Variants in SPTLC2 observed in about 807,000 individuals in gnomAD.
The protein encoded by SPTLC2 is serine palmitoyltransferase long chain base subunit 2.
Under a neutral mutation model 62.0 loss-of-function variants are expected in SPTLC2, and 21 were observed. The observed-to-expected ratio is 0.34, with a 90% CI of 0.24 to 0.49. The LOEUF (loss-of-function observed/expected upper bound fraction) is 0.49. SPTLC2 is among the 20% of genes least tolerant of loss of function. The pLI is 0.99. For synonymous variants in SPTLC2, 261 were observed against 261.8 expected (o/e 1.00, Z 0.03); for missense variants, 511 against 713.0 (o/e 0.72, Z 3.23).
chr14:77,557,755 A>C (rs905423574), intron 6 of SPTLC2, among the ~76,000 whole-genome samples: 2 of 152,194 alleles, frequency 1.3e-5, no homozygotes, highest in African/African-American at 4.8e-5. Context: ...CAATCAGTTG[A>C]AATTGTTCCA....
At chr14:77,581,626 G>C (rs1215437017) in intron 2 of SPTLC2, among the ~76,000 whole-genome samples, 1 of 151,748 alleles carries the variant, frequency 6.6e-6, no homozygotes, top group African/African-American at 2.4e-5. Context: ...TGGCCAGGTT[G>C]CTCTCAAACT....
Position 77,597,182 on chromosome 14 carries a change from T to A in SPTLC2, c.327+4A>T, listed in dbSNP as rs1433918043. 1 of 1,613,848 alleles carries A rather than the reference T, an allele frequency of 6.2e-7. No individual in the cohort carries two copies. Among genetic ancestry groups the A allele is most frequent in the South Asian group, 1.1e-5 (1 of 91,040 alleles). ...TACAGAATCAAAAACTCTCTAACAG[T>A]TACCTTTTGTTCTTCTCTTTCTGTT... On this transcript the variant is annotated splice_donor_region_variant and intron_variant, in intron 2 of 11. Coordinates refer to ENST00000216484, the MANE Select transcript of SPTLC2 (RefSeq NM_004863.4).
intron 11 of SPTLC2, among the ~76,000 whole-genome samples, chr14:77,514,549 T>C (rs1327924626): frequency 1.3e-5 from 2 of 152,248 alleles, no homozygotes; most frequent in Admixed American, 1.3e-4. Flanking sequence ...GTATTCATTA[T>C]AGAGCTGAGT....
At chr14:77,535,100 T>C (rs1017058120) in intron 9 of SPTLC2, among the ~76,000 whole-genome samples, 1 of 152,148 alleles carries the variant, frequency 6.6e-6, no homozygotes, top group Non-Finnish European at 1.5e-5. Context: ...GCTAATCTTG[T>C]ATTTTCAGTA....
At chr14:77,525,081 G>A (rs34174438) in intron 9 of SPTLC2, among the ~76,000 whole-genome samples, 13,651 of 152,116 alleles carry the variant, frequency 0.09, 1,373 homozygotes, top group East Asian at 0.56. Context: ...ATTTGATACC[G>A]TATGCATCTA....
chr14:77,531,292 A>T (rs72683256), intron 9 of SPTLC2, among the ~76,000 whole-genome samples: 2,893 of 152,312 alleles, frequency 0.019, 51 homozygotes, highest in Non-Finnish European at 0.03. Context: ...ACAGTGCCAC[A>T]GCAACCTAGT....
intron 3 of SPTLC2, 63 bp downstream of exon 3, chr14:77,578,891 TA>T: frequency 2.6e-6 from 4 of 1,559,896 alleles, no homozygotes; most frequent in Non-Finnish European, 3.5e-6. Context: ...TATAATAACA[TA>T]TTTTCTCAAA....
intron 8 of SPTLC2, among the ~76,000 whole-genome samples, chr14:77,554,564 T>C (rs951541375): frequency 3.3e-5 from 5 of 152,264 alleles, no homozygotes; most frequent in African/African-American, 1.2e-4. Flanking sequence ...ACCCACGTTG[T>C]AGCATGGACA....
At chr14:77,515,755 TGGCAA>T (rs2079355662) in intron 11 of SPTLC2, among the ~76,000 whole-genome samples, 1 of 152,094 alleles carries the variant, frequency 6.6e-6, no homozygotes, top group South Asian at 2.1e-4. Flanking sequence ...TTCACTGTGT[TGGCAA>T]GGCTGATCTC....
At chr14:77,603,849 A>G (rs926570735) in intron 1 of SPTLC2, among the ~76,000 whole-genome samples, 9 of 152,178 alleles carry the variant, frequency 5.9e-5, no homozygotes, top group African/African-American at 1.4e-4. Context: ...CCGCTGTAAC[A>G]CTTTTCCATC....
At chr14:77,540,205 C>CAAAAAAAAAAAA (rs34847653) in intron 9 of SPTLC2, among the ~76,000 whole-genome samples, 2 of 87,712 alleles carry the variant, frequency 2.3e-5, no homozygotes, top group Non-Finnish European at 2.3e-5. Context: ...ACTCTTGTCT[C>CAAAAAAAAAAAA]AAAAAAAAAA....
chr14:77,615,922 T>C (rs538498996), intron 1 of SPTLC2, among the ~76,000 whole-genome samples: 5 of 152,266 alleles, frequency 3.3e-5, no homozygotes, highest in African/African-American at 9.6e-5. Flanking sequence ...AATGTCCTGG[T>C]TGGGGACTGA....
intron 2 of SPTLC2, among the ~76,000 whole-genome samples, chr14:77,592,002 A>G (rs112360698): frequency 0.035 from 5,189 of 149,932 alleles, 293 homozygotes; most frequent in African/African-American, 0.12. Context: ...AGGATTATAG[A>G]CGTGAGCCGC....
intron 6 of SPTLC2, among the ~76,000 whole-genome samples, chr14:77,557,599 G>A (rs2079591715): frequency 6.6e-6 from 1 of 152,166 alleles, no homozygotes; most frequent in East Asian, 1.9e-4. Context: ...CAAACGCAAG[G>A]CGTAAAAAAA....
At chr14:77,541,860 C>G (rs1211192709) in intron 9 of SPTLC2, among the ~76,000 whole-genome samples, 1 of 152,114 alleles carries the variant, frequency 6.6e-6, no homozygotes, top group Non-Finnish European at 1.5e-5. Flanking sequence ...AGTTCCACAC[C>G]AGCCTGGCCA....
chr14:77,586,685 A>G (rs570142610), intron 2 of SPTLC2, among the ~76,000 whole-genome samples: 1 of 152,380 alleles, frequency 6.6e-6, no homozygotes, highest in African/African-American at 2.4e-5. Context: ...TGTAGGATAC[A>G]TAAATATTTC....
intron 9 of SPTLC2, among the ~76,000 whole-genome samples, chr14:77,531,472 TCCCCCTCCCCCTCCTCCTCCTCCTCCTCC>T (rs2079439417): frequency 1.1e-5 from 1 of 91,180 alleles, no homozygotes; most frequent in Admixed American, 1.1e-4. Flanking sequence ...CTCCTCCTCC[TCCCCCTCCCCCTCCTCCTCCTCCTCCTCC>T]TCCTCCTCTT....
At chr14:77,600,083 G>A (rs1008848989) in intron 1 of SPTLC2, among the ~76,000 whole-genome samples, 1 of 152,090 alleles carries the variant, frequency 6.6e-6, no homozygotes, top group African/African-American at 2.4e-5. Context: ...GAATGCTATG[G>A]GTGGGTCTCT....
At chr14:77,573,939 G>A (rs927173591) in intron 4 of SPTLC2, among the ~76,000 whole-genome samples, 2 of 152,112 alleles carry the variant, frequency 1.3e-5, no homozygotes, top group Non-Finnish European at 1.5e-5. Context: ...GCCAGAAGAC[G>A]ACAATGTTTG....
Sources: gnomAD v4.1 joint callset for allele counts (sites outside exome capture counted in the v4.1 genomes callset) on GRCh38, gnomAD v4.1.1 for gene constraint, MANE v1.5 for transcripts, NCBI Gene and HGNC (gene_info 2026-07-23, HGNC 2026-07-21) for gene names.